PSMA1: variants seen among roughly 807,000 people sequenced by gnomAD.
PSMA1 encodes proteasome 20S subunit alpha 1, also known as proteasome subunit alpha type-1.
Under a neutral mutation model 38.4 loss-of-function variants are expected in PSMA1, and 3 were observed. The ratio of observed to expected loss-of-function variants is 0.08; its 90% CI spans 0.04 to 0.20. PSMA1 has a LOEUF of 0.20. Among genes scored for constraint, PSMA1 ranks in the 10% least tolerant of loss-of-function variants. The pLI is 1.00. For synonymous variants in PSMA1, 101 were observed against 107.1 expected (o/e 0.94, Z 0.35); for missense variants, 227 against 325.3 (o/e 0.70, Z 2.32).
intron 2 of PSMA1, among the ~76,000 whole-genome samples, chr11:14,583,844 G>A (rs928485937): frequency 2.0e-5 from 3 of 152,170 alleles, no homozygotes; most frequent in African/African-American, 7.2e-5. Flanking sequence ...GTAGATATCT[G>A]CTCAGTATTT....
intron 2 of PSMA1, among the ~76,000 whole-genome samples, chr11:14,568,200 G>A (rs1852095147): frequency 6.6e-6 from 1 of 152,178 alleles, no homozygotes; most frequent in Admixed American, 6.5e-5. Flanking sequence ...CTGTGGAAGA[G>A]TGAAGTGCCC....
intron 2 of PSMA1, among the ~76,000 whole-genome samples, chr11:14,555,602 T>G (rs1851934082): frequency 1.3e-5 from 2 of 152,206 alleles, no homozygotes; most frequent in Admixed American, 1.3e-4. Context: ...AGTCACATCT[T>G]TAGCCATTTC....
At chr11:14,605,454 G>A (rs1490692770) in intron 2 of PSMA1, among the ~76,000 whole-genome samples, 2 of 152,078 alleles carry the variant, frequency 1.3e-5, no homozygotes, top group Non-Finnish European at 2.9e-5. Flanking sequence ...CGTGATCTTG[G>A]CTCACTGCAG....
At chr11:14,625,030 T>C (rs1392743110) in intron 1 of PSMA1, among the ~76,000 whole-genome samples, 1 of 152,192 alleles carries the variant, frequency 6.6e-6, no homozygotes, top group Admixed American at 6.5e-5. Context: ...TTCATCTCAC[T>C]AACTTCCTTC....
chr11:14,512,355 A>T (rs1462649276), intron 7 of PSMA1, among the ~76,000 whole-genome samples: 1 of 152,072 alleles, frequency 6.6e-6, no homozygotes, highest in African/African-American at 2.4e-5. Context: ...GCCTGGGCAA[A>T]AACAGTGAAA....
chr11:14,578,463 C>T (rs1201547664), intron 2 of PSMA1, among the ~76,000 whole-genome samples: 1 of 152,158 alleles, frequency 6.6e-6, no homozygotes, highest in African/African-American at 2.4e-5. Context: ...CGTGTTATTA[C>T]TTGTGTTCAT....
chr11:14,595,400 C>T (rs909732576), intron 2 of PSMA1, among the ~76,000 whole-genome samples: 1 of 152,226 alleles, frequency 6.6e-6, no homozygotes, highest in Non-Finnish European at 1.5e-5. Flanking sequence ...TTCTCCACAT[C>T]CTCTCCAGCA....
chr11:14,516,049 A>C (rs1160363529), intron 4 of PSMA1, among the ~76,000 whole-genome samples: 2 of 151,664 alleles, frequency 1.3e-5, no homozygotes, highest in Non-Finnish European at 2.9e-5. Flanking sequence ...GTCTCTACTA[A>C]AAATGCAAAA....
rs1345242283 is a variant in PSMA1, at chr11:14,573,370, A to G, written c.21+37596T>C. On this transcript the variant is annotated intron_variant, in intron 2 of 10. Transcript: ENST00000418988. ...AGGCTGGCTCAATGTATGCAAATCA[A>G]TAAACATAATCCAGCATATAAACAG... is the stretch of plus-strand genomic sequence containing the variant. Among the ~76,000 whole-genome samples, 5 of 152,240 alleles carry G rather than the reference A, an allele frequency of 3.3e-5. No homozygotes were observed. In the East Asian group the frequency reaches 9.6e-4, roughly 29 times the overall value.
chr11:14,548,424 G>T (rs1398606448), intron 2 of PSMA1, among the ~76,000 whole-genome samples: 1 of 152,118 alleles, frequency 6.6e-6, no homozygotes, highest in Non-Finnish European at 1.5e-5. Flanking sequence ...AGGTGTGTGT[G>T]TGTGTGCATG....
At chr11:14,578,415 A>T (rs1328118462) in intron 2 of PSMA1, among the ~76,000 whole-genome samples, 1 of 152,202 alleles carries the variant, frequency 6.6e-6, no homozygotes, top group African/African-American at 2.4e-5. Flanking sequence ...GGAGCAAGAA[A>T]GGATGGACAA....
At chr11:14,516,536 G>A (rs1050597334) in intron 4 of PSMA1, among the ~76,000 whole-genome samples, 1 of 152,142 alleles carries the variant, frequency 6.6e-6, no homozygotes, top group African/African-American at 2.4e-5. Flanking sequence ...AAATTTACAA[G>A]ATTAGTTTTA....
At chr11:14,586,750 C>A (rs922440720) in intron 2 of PSMA1, among the ~76,000 whole-genome samples, 2 of 151,806 alleles carry the variant, frequency 1.3e-5, no homozygotes, top group Admixed American at 1.3e-4. Flanking sequence ...CATCATCAAT[C>A]TCTCTTTCTT....
intron 2 of PSMA1, among the ~76,000 whole-genome samples, chr11:14,606,291 C>T (rs1025698367): frequency 2.6e-5 from 4 of 152,038 alleles, no homozygotes; most frequent in African/African-American, 9.7e-5. Flanking sequence ...ATAGTATAGT[C>T]TGAAGTTGGG....
At chr11:14,548,739 C>A (rs1212959305) in intron 2 of PSMA1, among the ~76,000 whole-genome samples, 1 of 152,098 alleles carries the variant, frequency 6.6e-6, no homozygotes, top group Non-Finnish European at 1.5e-5. Context: ...CATAGGTAAC[C>A]AAGAACATAA....
intron 2 of PSMA1, among the ~76,000 whole-genome samples, chr11:14,532,417 C>T (rs1449456468): frequency 1.3e-5 from 2 of 151,318 alleles, no homozygotes; most frequent in South Asian, 2.1e-4. Flanking sequence ...TCAGCCTGGC[C>T]AAAATGGTGA....
chr11:14,576,522 T>G (rs1427147280), intron 2 of PSMA1, among the ~76,000 whole-genome samples: 1 of 152,240 alleles, frequency 6.6e-6, no homozygotes, highest in Non-Finnish European at 1.5e-5. Flanking sequence ...CCCAGCACCA[T>G]GTATTAAATA....
chr11:14,635,152 A>C (rs987813224), intron 1 of PSMA1, among the ~76,000 whole-genome samples: 4 of 152,124 alleles, frequency 2.6e-5, no homozygotes, highest in African/African-American at 9.7e-5. Flanking sequence ...TTTCACCTGT[A>C]AAAAGGAGGG....
intron 9 of PSMA1, among the ~76,000 whole-genome samples, chr11:14,506,125 T>C (rs1046703084): frequency 7.9e-5 from 12 of 152,212 alleles, no homozygotes; most frequent in African/African-American, 2.7e-4. Context: ...TCAAAAGTTA[T>C]ATGTGGATTT....
Sources: gnomAD v4.1 joint callset for allele counts (sites outside exome capture counted in the v4.1 genomes callset) on GRCh38, gnomAD v4.1.1 for gene constraint, MANE v1.5 for transcripts, NCBI Gene and HGNC (gene_info 2026-07-23, HGNC 2026-07-21) for gene names.